Variants in NIBAN3 observed in about 807,000 individuals in gnomAD.
The protein encoded by NIBAN3 is niban apoptosis regulator 3, also known as protein Niban 3.
In NIBAN3, 66 loss-of-function variants were observed where a neutral mutation model predicts 76.4. That is an observed-to-expected ratio of 0.86 (90% CI 0.71 to 1.06). The LOEUF (loss-of-function observed/expected upper bound fraction) is 1.06. Ranked by LOEUF, NIBAN3 falls within the 50% of genes least tolerant of loss-of-function variation. The pLI, the probability that NIBAN3 is intolerant of heterozygous loss-of-function variation, is 0.00. For synonymous variants in NIBAN3, 360 were observed against 355.2 expected (o/e 1.01, Z -0.15); for missense variants, 808 against 810.7 (o/e 1.00, Z 0.04).
upstream of NIBAN3, among the ~76,000 whole-genome samples, chr19:17,526,794 A>T (rs936593858): frequency 6.6e-6 from 1 of 151,998 alleles, no homozygotes; most frequent in Non-Finnish European, 1.5e-5. Flanking sequence ...CCATCCTCTA[A>T]GACCTTGGCA....
At position 17,540,509 on chromosome 19, in the gene NIBAN3, T is replaced by A; in HGVS notation, c.1097T>A (p.Leu366His). 1.3e-6 allele frequency: 2 copies of A among 1,597,174 alleles called. No homozygotes were observed. Among genetic ancestry groups the A allele is most frequent in the Non-Finnish European group, 1.7e-6 (2 of 1,172,250 alleles). ...GCCTCGCTCGAGGCGGTGCGGACCCTCCTGGCTCAAGGCATGGACCGACTG... is the reference window on the plus strand; with the variant it reads ...GCCTCGCTCGAGGCGGTGCGGACCCACCTGGCTCAAGGCATGGACCGACTG... ...VEASLEAVRT[L>H]LAQGMDRLSH... The change falls in exon 9 of 15, where the codon CTC (leucine) becomes CAC (histidine). Residue 366 changes from leucine to histidine, a missense_variant. Coordinates refer to ENST00000599164, the MANE Select transcript of NIBAN3 (RefSeq NM_001321827.2).
upstream of NIBAN3, among the ~76,000 whole-genome samples, chr19:17,525,593 C>T (rs988204204): frequency 1.3e-5 from 2 of 151,956 alleles, no homozygotes; most frequent in Non-Finnish European, 2.9e-5. Flanking sequence ...GTGCAGGAGG[C>T]GGGAGCAAGA....
Position 17,551,805 on chromosome 19 carries a change from G to A in NIBAN3, c.1770G>A (p.Glu590=). 1.3e-6 allele frequency: 1 copy of A among 779,950 alleles called. No homozygotes were observed. Among genetic ancestry groups the A allele is most frequent in the East Asian group, 2.4e-5 (1 of 41,238 alleles). 48.3% of individuals were successfully genotyped at this position (779,950 alleles called of 1,614,324 possible). ...QEGADEETEA[E]REGGACPRQP... ...ATACAGATGAGGAAACTGAGGCTGA[G>A]CGGGAAGGAGGGGCTTGTCCCAGGC... The change falls in exon 15 of 15, where the codon GAG becomes GAA. Residue 590 remains glutamate, a synonymous_variant. Coordinates refer to ENST00000599164, the MANE Select transcript of NIBAN3 (RefSeq NM_001321827.2).
downstream of NIBAN3, chr19:17,553,871 C>T (rs1221359779): frequency 7.8e-5 from 11 of 141,170 alleles, no homozygotes; most frequent in East Asian, 1.4e-3. Flanking sequence ...TTGTTTTTAC[C>T]TTTTTTTTTT....
intron 4 of NIBAN3, among the ~76,000 whole-genome samples, chr19:17,534,790 C>CAAAAAA (rs751685692): frequency 1.1e-4 from 8 of 75,676 alleles, no homozygotes; most frequent in South Asian, 3.9e-4. Flanking sequence ...GACTCCATCT[C>CAAAAAA]AAAAAAAAAA....
intron 1 of NIBAN3, 95 bp from the exon 2 acceptor site, chr19:17,530,660 G>A: frequency 8.2e-7 from 1 of 1,219,868 alleles, no homozygotes; most frequent in African/African-American, 1.6e-5. Context: ...GACTACAGGA[G>A]CCCCCAGGTG....
chr19:17,542,372 AGAGACCACGATGATC>A lies in NIBAN3; in HGVS notation c.1329+84_1329+98del. ...TGACCTCCTGCTAAGTGTGCCCTGGAGAGACCACGATGATCGAGACAACTCCGCGGGGCTGCCAGT... is the reference window on the plus strand; with the variant it reads ...TGACCTCCTGCTAAGTGTGCCCTGGAGAGACAACTCCGCGGGGCTGCCAGT... On this transcript the variant is annotated intron_variant, in intron 10 of 14. Coordinates refer to ENST00000599164, the MANE Select transcript of NIBAN3 (RefSeq NM_001321827.2). This position sits in a 1 kb window ranked among gnomAD's most constrained non-coding sequence, Gnocchi z 4.8. The A allele has an allele frequency of 6.9e-7, 1 of 1,449,828 alleles. No individual in the cohort carries two copies. Among genetic ancestry groups the A allele is most frequent in the South Asian group, 1.3e-5 (1 of 74,330 alleles). The allele number at this position is 1,449,828 out of a possible 1,614,324, so 89.8% of individuals were successfully genotyped here. A position where few individuals can be genotyped will look rare whatever the true frequency, so the allele number is the denominator to read the frequency against.
chr19:17,534,070 T>A (rs975508832), intron 4 of NIBAN3, among the ~76,000 whole-genome samples: 1 of 152,046 alleles, frequency 6.6e-6, no homozygotes, highest in Non-Finnish European at 1.5e-5. Flanking sequence ...GGGTGCACTG[T>A]CTCATGCCTG....
chr19:17,551,092 A>C (rs1035270593), intron 14 of NIBAN3, among the ~76,000 whole-genome samples: 10 of 149,964 alleles, frequency 6.7e-5, no homozygotes, highest in African/African-American at 2.0e-4. Context: ...TTTTCTTTTT[A>C]TTTATTTATT....
rs2075628526 is a variant in NIBAN3, at chr19:17,527,547, T to C, written c.55+152T>C. 17 of 882,328 alleles carry C rather than the reference T, an allele frequency of 1.9e-5. No individual in the cohort carries two copies. The South Asian group carries it at 2.6e-4, about 14-fold the overall frequency. The allele number at this position is 882,328 out of a possible 1,614,324, so 54.7% of individuals were successfully genotyped here. ...CCTTCTTAATGTAAATTTCACGCAG[T>C]GAATCTTTTTTTATTGTTGAGACAG... On this transcript the variant is annotated intron_variant, in intron 1 of 14. Transcript: ENST00000599164.
At position 17,532,309 on chromosome 19, in the gene NIBAN3, G is replaced by A. The variant is rs76766278; in HGVS notation, c.233G>A (p.Arg78Gln). Residue 78 changes from arginine (R) to glutamine (Q), a missense_variant, in exon 3 of 15, where the codon CGG (arginine) becomes CAG (glutamine). Transcript: ENST00000599164. ...CACCGAGGACCCCTGACCCAGCTTC[G>A]GGGCCACCCACCCCGGTGGCAGCCG... is the stretch of plus-strand genomic sequence containing the variant. ...REHRGPLTQLRGHPPRWQPIF... is the reference protein window; with the variant it reads ...REHRGPLTQLQGHPPRWQPIF... The A allele has an allele frequency of 3.2e-4, 514 of 1,614,038 alleles. 1 individual carries two copies. The African/African-American group carries it at 6.2e-3, about 20-fold the overall frequency.
chr19:17,532,821 G>A (rs1388544742), intron 3 of NIBAN3, among the ~76,000 whole-genome samples: 4 of 152,124 alleles, frequency 2.6e-5, no homozygotes, highest in East Asian at 1.9e-4. Flanking sequence ...GGACCGGCAC[G>A]TGGGGAGCCC....
At chr19:17,547,600 C>A (rs999871145) in intron 13 of NIBAN3, among the ~76,000 whole-genome samples, 3 of 149,988 alleles carry the variant, frequency 2.0e-5, no homozygotes, top group Non-Finnish European at 3.0e-5. Flanking sequence ...TGATCCTCCC[C>A]CCTTGGGCTC....
In NIBAN3 at chr19:17,539,741, G is replaced by A. The variant is rs78631497; in HGVS notation, c.955G>A (p.Ala319Thr). ...CGTGGACCAGCTGCTGCGGCAGCGG[G>A]CGCGTGTGGCGGGGCGGCTGAGGAG... The part of the protein sequence containing the change: ...PDVDQLLRQR[A>T]RVAGRLRTDI... Residue 319 changes from alanine to threonine, a missense_variant, in exon 8 of 15, where the codon GCG (alanine) becomes ACG (threonine). Physicochemically the swap from Ala to Thr is moderately conservative, Grantham distance 58. Coordinates refer to ENST00000599164, the MANE Select transcript of NIBAN3 (RefSeq NM_001321827.2). The A allele has an allele frequency of 7.8e-4, 1,201 of 1,539,146 alleles. 12 individuals carry two copies. The African/African-American group carries it at 0.015, about 19-fold the overall frequency.
At position 17,537,546 on chromosome 19, in the gene NIBAN3, G is replaced by A; in HGVS notation, c.595+3G>A. ...TGGCATCCGGCTTCAGGGCATAGGT[G>A]GGTCTCAGGACGGGTCAGACATTTG... On this transcript the variant is annotated splice_donor_region_variant and intron_variant, in intron 5 of 14. Transcript: ENST00000599164. 1 of 1,585,222 alleles carries A rather than the reference G, an allele frequency of 6.3e-7. No individual in the cohort carries two copies. Among genetic ancestry groups the A allele is most frequent in the Non-Finnish European group, 8.5e-7 (1 of 1,170,336 alleles).
At chr19:17,529,777 T>A (rs1307045590) in intron 1 of NIBAN3, among the ~76,000 whole-genome samples, 1 of 152,192 alleles carries the variant, frequency 6.6e-6, no homozygotes, top group Admixed American at 6.5e-5. Flanking sequence ...ATACGTGAGC[T>A]ATAAGTGAAG....
chr19:17,554,293 A>G (rs1403667808), downstream of NIBAN3, among the ~76,000 whole-genome samples: 1 of 151,972 alleles, frequency 6.6e-6, no homozygotes, highest in Non-Finnish European at 1.5e-5. Flanking sequence ...CAGCCGGGGC[A>G]ACATAGCGAG....
chr19:17,549,574 G>T, intron 14 of NIBAN3, 47 bp downstream of exon 14: 2 of 1,466,194 alleles, frequency 1.4e-6, no homozygotes, highest in Non-Finnish European at 1.9e-6. Context: ...ATTGCTGGGG[G>T]TGGGGAGGTG....
upstream of NIBAN3, among the ~76,000 whole-genome samples, chr19:17,525,089 C>T (rs1445244090): frequency 1.3e-5 from 2 of 152,182 alleles, no homozygotes; most frequent in African/African-American, 4.8e-5. Flanking sequence ...TCAGGGGCTC[C>T]CTGGGGATCT....
Sources: gnomAD v4.1 joint callset for allele counts (sites outside exome capture counted in the v4.1 genomes callset) on GRCh38, gnomAD v4.1.1 for gene constraint, Gnocchi (gnomAD v3.1) non-coding constraint, MANE v1.5 for transcripts, NCBI Gene and HGNC (gene_info 2026-07-23, HGNC 2026-07-21) for gene names.